Variants in NGLY1 observed in about 807,000 individuals in gnomAD.
NGLY1 encodes the protein peptide-N(4)-(N-acetyl-beta-glucosaminyl)asparagine amidase.
NGLY1 carries 68 observed loss-of-function variants against 84.6 expected under a neutral mutation model. The observed-to-expected ratio is 0.80, with a 90% CI of 0.66 to 0.98. NGLY1 has a LOEUF of 0.98. Among genes scored for constraint, NGLY1 ranks in the 50% least tolerant of loss-of-function variants. NGLY1 has a pLI of 0.00. For synonymous variants in NGLY1, 280 were observed against 275.2 expected (o/e 1.02, Z -0.17); for missense variants, 779 against 770.2 (o/e 1.01, Z -0.14).
chr3:25,774,247 A>G (rs577568958), intron 2 of NGLY1, among the ~76,000 whole-genome samples: 1 of 152,338 alleles, frequency 6.6e-6, no homozygotes, highest in South Asian at 2.1e-4. Context: ...GTTGGCCCCC[A>G]GCCAGAAGGT....
intron 4 of NGLY1, among the ~76,000 whole-genome samples, chr3:25,744,733 C>G (rs1232329371): frequency 6.6e-6 from 1 of 152,224 alleles, no homozygotes; most frequent in East Asian, 1.9e-4. Context: ...AGGAAGACTA[C>G]TTCAAGAGAA....
intron 2 of NGLY1, among the ~76,000 whole-genome samples, chr3:25,767,142 A>AT (rs1431327236): frequency 1.3e-5 from 2 of 152,062 alleles, no homozygotes; most frequent in African/African-American, 4.8e-5. Flanking sequence ...AAATACAAAA[A>AT]TTGGCTGGGC....
chr3:25,720,803 C>T (rs976148150), intron 10 of NGLY1, among the ~76,000 whole-genome samples: 6 of 152,152 alleles, frequency 3.9e-5, no homozygotes, highest in Admixed American at 3.3e-4. Flanking sequence ...CCCTCTCATA[C>T]TTTTATCTAC....
At chr3:25,745,968 T>C (rs1706402790) in intron 4 of NGLY1, among the ~76,000 whole-genome samples, 1 of 152,240 alleles carries the variant, frequency 6.6e-6, no homozygotes. Context: ...GTGTTTCCTT[T>C]GAATTTCTTT....
chr3:25,756,613 C>T (rs867038506), intron 3 of NGLY1, among the ~76,000 whole-genome samples: 2 of 152,172 alleles, frequency 1.3e-5, no homozygotes, highest in African/African-American at 4.8e-5. Flanking sequence ...TACACTGGAC[C>T]TAGGCAAAAC....
At chr3:25,786,696 T>C (rs147102845), upstream of NGLY1, among the ~76,000 whole-genome samples, 71 of 152,360 alleles carry the variant, frequency 4.7e-4, no homozygotes, top group Non-Finnish European at 7.9e-4. Flanking sequence ...AACAGAAGTG[T>C]TGCTAAAGAG....
chr3:25,771,063 T>G (rs1707871741), intron 2 of NGLY1, among the ~76,000 whole-genome samples: 1 of 152,196 alleles, frequency 6.6e-6, no homozygotes, highest in African/African-American at 2.4e-5. Context: ...CTCCATCTAT[T>G]TATCTTTGTT....
chr3:25,772,718 T>C (rs1357784939), intron 2 of NGLY1, among the ~76,000 whole-genome samples: 4 of 152,178 alleles, frequency 2.6e-5, no homozygotes, highest in Non-Finnish European at 5.9e-5. Context: ...TTTATTGTTT[T>C]ATAGGTTCTG....
chr3:25,754,566 T>C (rs1706932905), intron 3 of NGLY1, among the ~76,000 whole-genome samples: 1 of 151,844 alleles, frequency 6.6e-6, no homozygotes, highest in Non-Finnish European at 1.5e-5. Flanking sequence ...CTTTAGCCAC[T>C]ATGCAGAGAA....
chr3:25,746,608 G>A (rs1005622935), intron 4 of NGLY1, among the ~76,000 whole-genome samples: 3 of 152,160 alleles, frequency 2.0e-5, no homozygotes, highest in Non-Finnish European at 4.4e-5. Context: ...AAGGATTCTT[G>A]GTCCACTGAT....
chr3:25,774,004 C>T (rs1708026087), intron 2 of NGLY1, among the ~76,000 whole-genome samples: 1 of 152,210 alleles, frequency 6.6e-6, no homozygotes, highest in Non-Finnish European at 1.5e-5. Flanking sequence ...CCAGTACCTA[C>T]TCTGATGGAG....
Position 25,732,399 on chromosome 3 carries a change from T to A in NGLY1, c.1345A>T (p.Thr449Ser). ...CCCCCAAGTTCTCCAGGTTTAGGGGTTTTGGGAGATATAAATTCAACAAGC... is the reference window on the plus strand; with the variant it reads ...CCCCCAAGTTCTCCAGGTTTAGGGGATTTGGGAGATATAAATTCAACAAGC... The part of the protein sequence containing the change: ...VELVEFISPK[T>S]PKPGELGGRI... Residue 449 changes from threonine to serine, a missense_variant, in exon 9 of 12, where the codon ACC (threonine) becomes TCC (serine). Thr to Ser is a moderately conservative substitution (Grantham distance 58). Transcript: ENST00000280700. 6.2e-7 allele frequency: 1 copy of A among 1,613,610 alleles called. No homozygotes were observed. Among genetic ancestry groups the A allele is most frequent in the Non-Finnish European group, 8.5e-7 (1 of 1,179,710 alleles).
At chr3:25,747,977 T>C (rs1706525002) in intron 4 of NGLY1, among the ~76,000 whole-genome samples, 1 of 152,114 alleles carries the variant, frequency 6.6e-6, no homozygotes, top group African/African-American at 2.4e-5. Flanking sequence ...AAAAATCCTT[T>C]GTGGCTCTAG....
chr3:25,767,347 C>T (rs1164290032), intron 2 of NGLY1, among the ~76,000 whole-genome samples: 2 of 151,758 alleles, frequency 1.3e-5, no homozygotes, highest in East Asian at 3.9e-4. Context: ...ATTTGTTTCT[C>T]AAGGCATTTT....
chr3:25,729,464 T>G (rs971342352), intron 9 of NGLY1, 146 bp from the exon 10 acceptor site: 1 of 415,012 alleles, frequency 2.4e-6, no homozygotes, highest in African/African-American at 2.1e-5. Context: ...AATTATTTTA[T>G]AAATTAAATA....
rs1169138947 is a variant in NGLY1, at chr3:25,783,380, G to A, written c.11C>T (p.Ala4Val). 6 of 1,540,630 alleles carry A rather than the reference G, an allele frequency of 3.9e-6. No individual in the cohort carries two copies. Among genetic ancestry groups the A allele is most frequent in the Admixed American group, 2.0e-5 (1 of 50,022 alleles). Residue 4 changes from alanine to valine, a missense_variant, in exon 1 of 12, where the codon GCG becomes GTG. By Grantham distance (64) the Ala-to-Val change is moderately conservative. Transcript: ENST00000280700. The surrounding 1 kb of genome is among the most constrained non-coding windows in gnomAD (Gnocchi z 4.5). MAA[A>V]ALGSSSGSAS... ...CGAGCCTGAGGAGCTGCCCAATGCC[G>A]CCGCCGCCATGCTTGAGCGCCAGCG...
chr3:25,755,369 G>A (rs1305360123), intron 3 of NGLY1: 2 of 1,315,290 alleles, frequency 1.5e-6, no homozygotes, highest in Non-Finnish European at 2.2e-6. Context: ...GACTGTTGGT[G>A]CTGTTAGTAG....
chr3:25,720,317 T>G, intron 10 of NGLY1, 126 bp from the exon 11 acceptor site: 2 of 709,956 alleles, frequency 2.8e-6, no homozygotes, highest in South Asian at 7.9e-5. Flanking sequence ...AAAACTAACT[T>G]TTCCCTGTTG....
At chr3:25,735,682 C>A (rs1705778970) in intron 7 of NGLY1, 1 of 185,626 alleles carries the variant, frequency 5.4e-6, no homozygotes, top group Non-Finnish European at 1.1e-5. Context: ...TACTCCTAGG[C>A]ATTAAGCAAA....
Sources: gnomAD v4.1 joint callset for allele counts (sites outside exome capture counted in the v4.1 genomes callset) on GRCh38, gnomAD v4.1.1 for gene constraint, Gnocchi (gnomAD v3.1) non-coding constraint, MANE v1.5 for transcripts, NCBI Gene and HGNC (gene_info 2026-07-23, HGNC 2026-07-21) for gene names.